Variants in RAP1GDS1 observed in about 807,000 individuals in gnomAD.
RAP1GDS1 encodes Rap1 GTPase-GDP dissociation stimulator 1.
In RAP1GDS1, 35 loss-of-function variants were observed where a neutral mutation model predicts 71.1. The ratio of observed to expected loss-of-function variants is 0.49; its 90% confidence interval spans 0.38 to 0.65. The LOEUF is 0.65. Ranked by LOEUF, RAP1GDS1 falls within the 30% of genes least tolerant of loss-of-function variation. The pLI is 0.00. For synonymous variants in RAP1GDS1, 229 were observed against 243.1 expected, an observed-to-expected ratio of 0.94 and a Z score of 0.54; for missense variants, 663 against 706.1, an observed-to-expected ratio of 0.94 and a Z score of 0.69.
At chr4:98,392,116 T>C in intron 6 of RAP1GDS1, 36 bp downstream of exon 6, 1 of 1,572,022 alleles carries the variant, frequency 6.4e-7, no homozygotes, top group Non-Finnish European at 8.7e-7. Flanking sequence ...TGTAATTAAC[T>C]TATTAATGTG....
chr4:98,396,503 C>G (rs1744568065), intron 6 of RAP1GDS1: 3 of 152,194 alleles, frequency 2.0e-5, no homozygotes, highest in African/African-American at 7.2e-5. Flanking sequence ...TCTATTCAGC[C>G]TAGTCTCCCC....
chr4:98,423,761 C>T (rs1749216299), intron 12 of RAP1GDS1, among the ~76,000 whole-genome samples: 1 of 152,102 alleles, frequency 6.6e-6, no homozygotes, highest in Admixed American at 6.5e-5. Context: ...TCAGGCTGGT[C>T]TCAAACTGCC....
At chr4:98,403,451 TAG>T (rs1560966526) in intron 6 of RAP1GDS1, among the ~76,000 whole-genome samples, 1 of 152,170 alleles carries the variant, frequency 6.6e-6, no homozygotes, top group East Asian at 1.9e-4. Context: ...CCTGTGCAGA[TAG>T]ACAGAGTGTT....
intron 6 of RAP1GDS1, among the ~76,000 whole-genome samples, chr4:98,393,018 C>T (rs1311876018): frequency 1.3e-5 from 2 of 152,084 alleles, no homozygotes. Context: ...CTTCCCCACG[C>T]CCCCACCTTC....
At chr4:98,341,818 ATCCTGG>A (rs1735547126) in intron 2 of RAP1GDS1, among the ~76,000 whole-genome samples, 1 of 152,156 alleles carries the variant, frequency 6.6e-6, no homozygotes, top group African/African-American at 2.4e-5. Context: ...TTAACTCCAA[ATCCTGG>A]TAGTCAAGGG....
At chr4:98,393,579 A>C (rs188414011) in intron 6 of RAP1GDS1, among the ~76,000 whole-genome samples, 1 of 152,332 alleles carries the variant, frequency 6.6e-6, no homozygotes, top group Admixed American at 6.5e-5. Flanking sequence ...GATTGGTTCA[A>C]ATCTTTCTTC....
chr4:98,394,830 A>G (rs1285359850), intron 6 of RAP1GDS1, among the ~76,000 whole-genome samples: 2 of 152,124 alleles, frequency 1.3e-5, no homozygotes, highest in Non-Finnish European at 2.9e-5. Flanking sequence ...CATTTCTCCA[A>G]AAGTGCCTTG....
intron 6 of RAP1GDS1, among the ~76,000 whole-genome samples, chr4:98,394,766 T>C (rs1286381348): frequency 6.6e-6 from 1 of 152,136 alleles, no homozygotes; most frequent in African/African-American, 2.4e-5. Context: ...TATGTAAATA[T>C]TGGTATAACT....
intron 13 of RAP1GDS1, among the ~76,000 whole-genome samples, chr4:98,434,851 C>A (rs949690955): frequency 6.6e-6 from 1 of 152,054 alleles, no homozygotes; most frequent in African/African-American, 2.4e-5. Flanking sequence ...GAACTCCTGA[C>A]CTCAAGTGAT....
intron 7 of RAP1GDS1, 72 bp from the exon 8 acceptor site, chr4:98,416,673 A>G (rs1748077707): frequency 1.4e-6 from 2 of 1,405,920 alleles, no homozygotes; most frequent in Non-Finnish European, 1.9e-6. Context: ...ATAATTCTTT[A>G]TAATGGACTG....
At chr4:98,384,057 AG>A (rs1253292192) in intron 5 of RAP1GDS1, among the ~76,000 whole-genome samples, 1 of 151,612 alleles carries the variant, frequency 6.6e-6, no homozygotes, top group African/African-American at 2.4e-5. Context: ...AATATGTAAA[AG>A]GTAAAATTGT....
chr4:98,387,762 G>A (rs763303511), intron 5 of RAP1GDS1, among the ~76,000 whole-genome samples: 9 of 152,160 alleles, frequency 5.9e-5, no homozygotes, highest in Non-Finnish European at 1.2e-4. Context: ...TCACACATAA[G>A]TGTTTGCTAT....
chr4:98,290,551 A>G (rs1726773861), intron 1 of RAP1GDS1, among the ~76,000 whole-genome samples: 1 of 152,138 alleles, frequency 6.6e-6, no homozygotes, highest in African/African-American at 2.4e-5. Context: ...CTTACAGACC[A>G]GTAAATAATT....
At chr4:98,424,432 C>T (rs999306341) in intron 12 of RAP1GDS1, among the ~76,000 whole-genome samples, 2 of 152,128 alleles carry the variant, frequency 1.3e-5, no homozygotes, top group African/African-American at 4.8e-5. Context: ...AAAACTCAAA[C>T]ACCTGTGGCA....
intron 2 of RAP1GDS1, among the ~76,000 whole-genome samples, chr4:98,303,816 C>T (rs1427621297): frequency 6.6e-6 from 1 of 151,820 alleles, no homozygotes; most frequent in African/African-American, 2.4e-5. Context: ...GGTATTAAGC[C>T]CCACATGCAT....
At chr4:98,381,326 ACTTC>A (rs1264033873) in intron 5 of RAP1GDS1, among the ~76,000 whole-genome samples, 1 of 151,512 alleles carries the variant, frequency 6.6e-6, no homozygotes, top group Non-Finnish European at 1.5e-5. Flanking sequence ...TCTTTCCTCT[ACTTC>A]CTTTTTACAT....
intron 6 of RAP1GDS1, chr4:98,395,795 A>T (rs1411244021): frequency 6.6e-6 from 1 of 152,208 alleles, no homozygotes; most frequent in Non-Finnish European, 1.5e-5. Context: ...TAAATGAATA[A>T]TAATATGAAT....
At chr4:98,314,929 G>A (rs1730732072) in intron 2 of RAP1GDS1, among the ~76,000 whole-genome samples, 3 of 152,164 alleles carry the variant, frequency 2.0e-5, no homozygotes, top group South Asian at 2.1e-4. Flanking sequence ...GATAATACCA[G>A]TCATCTACTT....
intron 2 of RAP1GDS1, among the ~76,000 whole-genome samples, chr4:98,303,366 A>G (rs895998344): frequency 2.6e-5 from 4 of 152,130 alleles, no homozygotes; most frequent in African/African-American, 9.6e-5. Context: ...ACATCTAAAA[A>G]ACATACAAAA....
Sources: allele counts gnomAD v4.1 joint callset (sites outside exome capture counted in the v4.1 genomes callset), GRCh38; gene constraint gnomAD v4.1.1; transcripts MANE v1.5; gene names NCBI Gene and HGNC (gene_info 2026-07-23, HGNC 2026-07-21).